The following COL4A6 variants were observed in gnomAD, a reference collection of about 807,000 sequenced individuals.
COL4A6 encodes the protein collagen type IV alpha 6 chain, also known as collagen alpha-6(IV) chain.
Under a neutral mutation model 126.7 loss-of-function variants are expected in COL4A6, and 59 were observed. The ratio of observed to expected loss-of-function variants is 0.47; its 90% confidence interval spans 0.38 to 0.58. The LOEUF is 0.58. COL4A6 is among the 20% of genes least tolerant of loss of function. COL4A6 has a pLI of 0.00. For missense variants in COL4A6, 1,285 were observed against 1,337.3 expected (o/e 0.96, Z 0.61); for synonymous variants, 547 against 496.6 (o/e 1.10, Z -1.35).
intron 37 of COL4A6, among the ~76,000 whole-genome samples, chrX:108,167,272 T>C (rs942761341): frequency 3.6e-5 from 4 of 111,825 alleles, no homozygotes; most frequent in Non-Finnish European, 5.6e-5. Flanking sequence ...TGAAAACAAA[T>C]AGTATCATTG....
At chrX:108,162,427 A>T (rs1437731198) in intron 41 of COL4A6, among the ~76,000 whole-genome samples, 1 of 102,572 alleles carries the variant, frequency 9.7e-6, no homozygotes, top group Non-Finnish European at 2.0e-5. Context: ...GAAGAAGAAG[A>T]GGAGGAGGAA....
At chrX:108,395,417 G>A (rs2040942966) in intron 2 of COL4A6, among the ~76,000 whole-genome samples, 1 of 111,641 alleles carries the variant, frequency 9.0e-6, no homozygotes, top group South Asian at 3.7e-4. Flanking sequence ...TAGGTGAGAA[G>A]AAAAATCTCC....
chrX:108,162,455 AAAGAAGAAG>A (rs201067756), intron 41 of COL4A6, among the ~76,000 whole-genome samples: 2 of 108,126 alleles, frequency 1.8e-5, no homozygotes, highest in South Asian at 4.1e-4. Flanking sequence ...ACGAAGAAGA[AAAGAAGAAG>A]AAGAAGAAGA....
intron 2 of COL4A6, among the ~76,000 whole-genome samples, chrX:108,368,972 CT>C (rs1304279163): frequency 9.0e-6 from 1 of 111,709 alleles, no homozygotes; most frequent in Non-Finnish European, 1.9e-5. Flanking sequence ...TTACAGTAAA[CT>C]TTTTTGTTTC....
At chrX:108,221,097 C>CAA in intron 4 of COL4A6, 143 bp downstream of exon 4, 53 of 684,509 alleles carry the variant, frequency 7.7e-5, no homozygotes, top group Non-Finnish European at 8.7e-5. Flanking sequence ...GACTCTGTCT[C>CAA]AAAAAAAAAA....
At chrX:108,262,478 C>A (rs1033898465) in intron 3 of COL4A6, among the ~76,000 whole-genome samples, 3 of 111,174 alleles carry the variant, frequency 2.7e-5, no homozygotes, top group Non-Finnish European at 5.7e-5. Flanking sequence ...AATGTTTAAA[C>A]CAAATACATT....
intron 44 of COL4A6, among the ~76,000 whole-genome samples, chrX:108,158,215 T>C (rs1443755052): frequency 8.9e-6 from 1 of 112,938 alleles, no homozygotes; most frequent in Non-Finnish European, 1.9e-5. Flanking sequence ...GGCTTGTCAT[T>C]GTGAATGTCA....
Position 108,156,986 on chromosome X carries a change from T to A in COL4A6, c.*14A>T, listed in dbSNP as rs1164296749. The A allele has an allele frequency of 8.3e-7, 1 of 1,198,122 alleles. No individual in the cohort carries two copies. Among genetic ancestry groups the A allele is most frequent in the Admixed American group, 2.2e-5 (1 of 45,508 alleles). ...GGGCAGGGGAGGGCAAGGGGCAGAG[T>A]GGCAGGTGCCACCCTACAGGCTTTT... On this transcript the variant is annotated 3_prime_UTR_variant, in exon 45 of 45. Transcript: ENST00000334504.
In COL4A6 at chrX:108,437,336, A is replaced by AT. The variant is rs199725909; in HGVS notation, c.63+605dup. On this transcript the variant is annotated intron_variant, in intron 2 of 44. Transcript: ENST00000334504. ...AACAGCCTATGAAATGTTAACTTTG[A>AT]TTTTTTTTTCTATTATAACAGCTTT... is the stretch of plus-strand genomic sequence containing the variant. Among the ~76,000 whole-genome samples the AT allele has an allele frequency of 6.1e-3, 676 of 110,757 alleles. 2 individuals are homozygous for AT. The highest frequency in any genetic ancestry group is 0.039 in the East Asian group (136 of 3,519).
At chrX:108,307,022 G>A (rs138954787) in intron 3 of COL4A6, among the ~76,000 whole-genome samples, 174 of 109,368 alleles carry the variant, frequency 1.6e-3, no homozygotes, top group Non-Finnish European at 3.0e-3. Context: ...GGAGTATAAT[G>A]CAGAGATAGC....
At chrX:108,315,313 T>C (rs1386619229) in intron 2 of COL4A6, among the ~76,000 whole-genome samples, 1 of 111,191 alleles carries the variant, frequency 9.0e-6, no homozygotes, top group Non-Finnish European at 1.9e-5. Flanking sequence ...CGACCTGGGC[T>C]CACTGCAGCC....
At chrX:108,361,703 C>T (rs143885342) in intron 2 of COL4A6, among the ~76,000 whole-genome samples, 24 of 111,891 alleles carry the variant, frequency 2.1e-4, no homozygotes, top group Non-Finnish European at 3.8e-4. Flanking sequence ...GAGCAACAGG[C>T]ATGCCCATAG....
Position 108,175,689 on chromosome X carries a change from C to G in COL4A6, c.2795G>C (p.Gly932Ala). 8.3e-7 allele frequency: 1 copy of G among 1,206,777 alleles called. No individual in the cohort carries two copies. The highest frequency in any genetic ancestry group is 1.1e-6 in the Non-Finnish European group (1 of 891,644). Residue 932 changes from glycine to alanine, a missense_variant, in exon 29 of 45, where the codon GGA (glycine) becomes GCA (alanine). Physicochemically the swap from Gly to Ala is moderately conservative, Grantham distance 60. Transcript: ENST00000334504. The part of the protein sequence containing the change: ...KGIPGSTGKM[G>A]PSGRAGTPGE... ...AGGAGTACCAGCACGTCCAGATGGT[C>G]CCATTTTTCCAGTTGATCCTGGAAT...
chrX:108,280,359 C>T (rs1602996404), intron 3 of COL4A6, among the ~76,000 whole-genome samples: 1 of 111,603 alleles, frequency 9.0e-6, no homozygotes, highest in African/African-American at 3.3e-5. Context: ...GAGAATACTA[C>T]AAACACCTCT....
chrX:108,180,979 T>C lies in COL4A6; in HGVS notation c.1952-11A>G. 1 of 1,195,043 alleles carries C rather than the reference T, an allele frequency of 8.4e-7. No individual in the cohort carries two copies. Among genetic ancestry groups the C allele is most frequent in the Non-Finnish European group, 1.1e-6 (1 of 880,933 alleles). ...AGGGCAGGGTGATTCCTGTAAATGG[T>C]AACATGTGTGCATTCAGTGAACCCA... On this transcript the variant is annotated splice_polypyrimidine_tract_variant and intron_variant, in intron 23 of 44. Coordinates refer to ENST00000334504, the MANE Select transcript of COL4A6 (RefSeq NM_033641.4).
intron 2 of COL4A6, among the ~76,000 whole-genome samples, chrX:108,417,189 T>C (rs994395034): frequency 1.8e-5 from 2 of 111,355 alleles, no homozygotes; most frequent in African/African-American, 6.5e-5. Flanking sequence ...AAACTGCCCA[T>C]ATGAACTGGA....
At chrX:108,212,215 T>G (rs1237108931) in intron 6 of COL4A6, among the ~76,000 whole-genome samples, 1 of 78,069 alleles carries the variant, frequency 1.3e-5, no homozygotes, top group East Asian at 3.3e-4. Flanking sequence ...TCTTTCTTTC[T>G]TTTTATTTTA....
At chrX:108,415,534 A>T (rs1330765099) in intron 2 of COL4A6, among the ~76,000 whole-genome samples, 1 of 112,125 alleles carries the variant, frequency 8.9e-6, no homozygotes, top group African/African-American at 3.2e-5. Context: ...TTCCATCTAC[A>T]AAATGGGTAT....
At chrX:108,377,205 T>A (rs1472188119) in intron 2 of COL4A6, among the ~76,000 whole-genome samples, 1 of 112,395 alleles carries the variant, frequency 8.9e-6, no homozygotes, top group Non-Finnish European at 1.9e-5. Flanking sequence ...TACATAAACA[T>A]CTCAATGCAT....
Sources: gnomAD v4.1 joint callset for allele counts (sites outside exome capture counted in the v4.1 genomes callset) on GRCh38, gnomAD v4.1.1 for gene constraint, MANE v1.5 for transcripts, NCBI Gene and HGNC (gene_info 2026-07-23, HGNC 2026-07-21) for gene names.